The following PDE8B variants were observed in gnomAD, a reference collection of about 807,000 sequenced individuals.
The protein encoded by PDE8B is high affinity cAMP-specific and IBMX-insensitive 3',5'-cyclic phosphodiesterase 8B.
In PDE8B, 26 loss-of-function variants were observed where a neutral mutation model predicts 101.3. The observed-to-expected ratio is 0.26, with a 90% confidence interval of 0.19 to 0.36. PDE8B has a LOEUF of 0.36. PDE8B is among the 10% of genes least tolerant of loss of function. The pLI, the probability that PDE8B is intolerant of heterozygous loss-of-function variation, is 1.00. For synonymous variants in PDE8B, 424 were observed against 429.3 expected, an observed-to-expected ratio of 0.99 and a Z score of 0.15; for missense variants, 810 against 1,163.1, an observed-to-expected ratio of 0.70 and a Z score of 4.42.
the PDE8B span, among the ~76,000 whole-genome samples, chr5:77,126,905 C>T: frequency 2.6e-5 from 4 of 152,124 alleles, no homozygotes; most frequent in African/African-American, 9.7e-5. Flanking sequence ...AGCTCCAGTC[C>T]AGGCAAGTTG....
At chr5:77,163,810 G>A in the PDE8B span, among the ~76,000 whole-genome samples, 4 of 152,222 alleles carry the variant, frequency 2.6e-5, no homozygotes, top group Non-Finnish European at 4.4e-5. Context: ...TTTAGGAGTT[G>A]ATGGTATGTA....
chr5:77,385,190 GT>G (rs1345402110), intron 10 of PDE8B, among the ~76,000 whole-genome samples: 1 of 152,074 alleles, frequency 6.6e-6, no homozygotes, highest in Non-Finnish European at 1.5e-5. Context: ...CTTCTTCCTG[GT>G]TTAGACTTGG....
chr5:77,191,438 C>T, the PDE8B span, among the ~76,000 whole-genome samples: 8 of 151,984 alleles, frequency 5.3e-5, no homozygotes, highest in East Asian at 3.9e-4. Context: ...CTGCAAGCTC[C>T]GCCTCCCGGG....
At chr5:77,189,711 G>T in the PDE8B span, among the ~76,000 whole-genome samples, 1 of 152,314 alleles carries the variant, frequency 6.6e-6, no homozygotes, top group Admixed American at 6.5e-5. Context: ...TGAGGGCAGA[G>T]AGGTTGTGGA....
intron 10 of PDE8B, among the ~76,000 whole-genome samples, chr5:77,394,261 G>A (rs1158506922): frequency 6.6e-6 from 1 of 152,068 alleles, no homozygotes; most frequent in Non-Finnish European, 1.5e-5. Flanking sequence ...TCAGGTGAGG[G>A]AGCTGTTTGT....
At chr5:77,311,501 A>G (rs1280775739) in intron 1 of PDE8B, among the ~76,000 whole-genome samples, 1 of 152,226 alleles carries the variant, frequency 6.6e-6, no homozygotes, top group Admixed American at 6.5e-5. Context: ...AAACATGAAG[A>G]TAAGAAAACC....
rs140675367 is a variant in PDE8B at position 77,327,325 on chromosome 5, A to G, written c.590+1596A>G. Among the ~76,000 whole-genome samples, 14 of 152,272 alleles carry G rather than the reference A, an allele frequency of 9.2e-5. No homozygotes were observed. The East Asian group carries it at 2.7e-3, about 29-fold the overall frequency. On this transcript the variant is annotated intron_variant, in intron 3 of 21. Transcript: ENST00000264917. ...GGAAGAGGCCTAGGTCTCTCTTACC[A>G]TACCGGTTCCTTTGGAGAGATGAGA...
chr5:77,172,405 C>A, the PDE8B span, among the ~76,000 whole-genome samples: 3 of 152,198 alleles, frequency 2.0e-5, no homozygotes, highest in African/African-American at 7.2e-5. Context: ...AACATGCTTG[C>A]ACCTAGGAGA....
At chr5:77,157,081 G>A in the PDE8B span, among the ~76,000 whole-genome samples, 87 of 152,096 alleles carry the variant, frequency 5.7e-4, 1 homozygote, top group African/African-American at 1.8e-3. Flanking sequence ...TTCTTTAATC[G>A]CCCCTCCAGC....
intron 1 of PDE8B, among the ~76,000 whole-genome samples, chr5:77,239,655 A>T (rs1755348948): frequency 6.6e-6 from 1 of 152,252 alleles, no homozygotes; most frequent in Non-Finnish European, 1.5e-5. Flanking sequence ...CACACTTTTG[A>T]TGAACATGAT....
At chr5:77,424,284 T>C (rs958590804) in intron 20 of PDE8B, among the ~76,000 whole-genome samples, 4 of 152,068 alleles carry the variant, frequency 2.6e-5, no homozygotes, top group African/African-American at 7.2e-5. Context: ...ATGAGAAAAA[T>C]GTGCTTTTAA....
At chr5:77,223,960 G>C (rs896834726) in intron 1 of PDE8B, among the ~76,000 whole-genome samples, 2 of 152,134 alleles carry the variant, frequency 1.3e-5, no homozygotes, top group African/African-American at 4.8e-5. Context: ...AGTTTCTCCA[G>C]CTCTACCTCC....
At chr5:77,335,672 C>T (rs1021887211) in intron 5 of PDE8B, among the ~76,000 whole-genome samples, 1 of 152,044 alleles carries the variant, frequency 6.6e-6, no homozygotes, top group African/African-American at 2.4e-5. Context: ...TATTCTCCTC[C>T]TCCACTTATA....
chr5:77,383,541 A>T (rs1384302111), intron 10 of PDE8B, among the ~76,000 whole-genome samples: 2 of 152,222 alleles, frequency 1.3e-5, no homozygotes, highest in East Asian at 3.8e-4. Flanking sequence ...TGTTTTAGTC[A>T]TGAAGTCTTT....
chr5:77,301,959 C>T (rs1037376157), intron 1 of PDE8B, among the ~76,000 whole-genome samples: 21 of 152,258 alleles, frequency 1.4e-4, no homozygotes, highest in African/African-American at 5.1e-4. Flanking sequence ...CTTGTGCTGG[C>T]CTCCTTTGGG....
chr5:77,168,756 A>G, the PDE8B span, among the ~76,000 whole-genome samples: 3 of 152,062 alleles, frequency 2.0e-5, no homozygotes, highest in Non-Finnish European at 1.5e-5. Flanking sequence ...ATTACTCCCC[A>G]TGGCTTCAGG....
the PDE8B span, among the ~76,000 whole-genome samples, chr5:77,187,148 C>T: frequency 6.6e-6 from 1 of 152,158 alleles, no homozygotes; most frequent in Non-Finnish European, 1.5e-5. Flanking sequence ...AGTTTACTTG[C>T]TGGCTAAGAT....
chr5:77,425,515 T>C (rs1012485632), intron 20 of PDE8B, among the ~76,000 whole-genome samples: 5 of 152,088 alleles, frequency 3.3e-5, no homozygotes, highest in African/African-American at 4.8e-5. Context: ...ACTGCACCAC[T>C]GTACTACAGC....
At chr5:77,420,396 T>G (rs1402076583) in intron 19 of PDE8B, among the ~76,000 whole-genome samples, 1 of 151,864 alleles carries the variant, frequency 6.6e-6, no homozygotes, top group East Asian at 1.9e-4. Flanking sequence ...ACCTTGGACC[T>G]GCCTTAAGGT....
Sources: gnomAD v4.1 joint callset for allele counts (sites outside exome capture counted in the v4.1 genomes callset) on GRCh38, gnomAD v4.1.1 for gene constraint, MANE v1.5 for transcripts, NCBI Gene and HGNC (gene_info 2026-07-23, HGNC 2026-07-21) for gene names.